PITPNC1: variants seen among roughly 807,000 people sequenced by gnomAD.
PITPNC1 encodes the protein phosphatidylinositol transfer protein cytoplasmic 1.
PITPNC1 carries 18 observed loss-of-function variants against 44.7 expected under a neutral mutation model. The ratio of observed to expected loss-of-function variants is 0.40; its 90% CI spans 0.28 to 0.60. PITPNC1 has a LOEUF of 0.60. PITPNC1 is among the 20% of genes least tolerant of loss of function. The pLI is 0.39. For missense variants in PITPNC1, 290 were observed against 418.4 expected, an observed-to-expected ratio of 0.69 and a Z score of 2.68; for synonymous variants, 141 against 149.6, an observed-to-expected ratio of 0.94 and a Z score of 0.42.
intron 6 of PITPNC1, among the ~76,000 whole-genome samples, chr17:67,636,089 G>A (rs1236647028): frequency 1.3e-5 from 2 of 152,108 alleles, no homozygotes; most frequent in Non-Finnish European, 1.5e-5. Flanking sequence ...ACAAGGTCAG[G>A]AGTTCAAGAC....
chr17:67,670,104 A>T (rs537105877), intron 7 of PITPNC1, among the ~76,000 whole-genome samples: 41 of 152,272 alleles, frequency 2.7e-4, no homozygotes, highest in Non-Finnish European at 5.0e-4. Flanking sequence ...AAAAAATAAA[A>T]AAATAAAAAA....
chr17:67,633,139 A>G (rs527701848), intron 6 of PITPNC1, among the ~76,000 whole-genome samples: 1 of 152,218 alleles, frequency 6.6e-6, no homozygotes, highest in African/African-American at 2.4e-5. Context: ...CCCACTTGTA[A>G]ATAACATCCC....
In PITPNC1 at chr17:67,459,119, T is replaced by C. The variant is rs191229521; in HGVS notation, c.49-73683T>C. Among the ~76,000 whole-genome samples the C allele has an allele frequency of 6.6e-3, 942 of 143,812 alleles. 5 individuals carry two copies. The highest frequency in any genetic ancestry group is 0.021 in the African/African-American group (813 of 38,382). The allele number at this position is 143,812 out of a possible 152,430, so 94.3% of individuals were successfully genotyped here. On this transcript the variant is annotated intron_variant, in intron 1 of 8. Coordinates refer to ENST00000581322, the MANE Select transcript of PITPNC1 (RefSeq NM_012417.4). The stretch of plus-strand genomic sequence containing the variant: ...GGCTTTTTTTTTTCTTTTTCTTTTT[T>C]TTTTTTTTTTTTTTTGAGACTGAGT...
intron 1 of PITPNC1, among the ~76,000 whole-genome samples, chr17:67,414,439 AC>A (rs759035757): frequency 9.3e-5 from 14 of 149,806 alleles, no homozygotes; most frequent in Admixed American, 6.0e-4. Flanking sequence ...AAAAAGCCCC[AC>A]CCCCCCATAT....
chr17:67,437,806 G>T (rs1339977226), intron 1 of PITPNC1, among the ~76,000 whole-genome samples: 1 of 152,172 alleles, frequency 6.6e-6, no homozygotes, highest in Non-Finnish European at 1.5e-5. Flanking sequence ...GGAGGCTCGG[G>T]CCTGTAATCC....
At chr17:67,406,409 C>T (rs987607152) in intron 1 of PITPNC1, among the ~76,000 whole-genome samples, 8 of 152,160 alleles carry the variant, frequency 5.3e-5, no homozygotes, top group Non-Finnish European at 1.2e-4. Flanking sequence ...CTAATCTATA[C>T]TTTCTGTCCT....
At chr17:67,385,880 C>T (rs1399755781) in intron 1 of PITPNC1, among the ~76,000 whole-genome samples, 5 of 152,138 alleles carry the variant, frequency 3.3e-5, no homozygotes, top group Admixed American at 6.6e-5. Flanking sequence ...TGACTCTGTC[C>T]ATGAAGGAAG....
chr17:67,488,026 G>A (rs148512577), intron 1 of PITPNC1, among the ~76,000 whole-genome samples: 23 of 152,318 alleles, frequency 1.5e-4, no homozygotes, highest in Non-Finnish European at 2.8e-4. Context: ...TTGGATTACC[G>A]AGCAGCTCAA....
intron 1 of PITPNC1, among the ~76,000 whole-genome samples, chr17:67,489,245 G>A (rs1416988478): frequency 6.6e-6 from 1 of 152,172 alleles, no homozygotes; most frequent in Non-Finnish European, 1.5e-5. Context: ...TTGCCTCCAG[G>A]TACAGCCCAT....
At chr17:67,486,336 A>G (rs1321996470) in intron 1 of PITPNC1, among the ~76,000 whole-genome samples, 1 of 152,206 alleles carries the variant, frequency 6.6e-6, no homozygotes. Flanking sequence ...GGGCAAAGGA[A>G]GGAATAGGCT....
chr17:67,452,900 G>C (rs2039203319), intron 1 of PITPNC1, among the ~76,000 whole-genome samples: 1 of 152,178 alleles, frequency 6.6e-6, no homozygotes, highest in Non-Finnish European at 1.5e-5. Context: ...TTTTGGGTTT[G>C]CCACATCCTT....
At chr17:67,510,068 C>T (rs2040162774) in intron 1 of PITPNC1, among the ~76,000 whole-genome samples, 1 of 152,312 alleles carries the variant, frequency 6.6e-6, no homozygotes, top group Non-Finnish European at 1.5e-5. Flanking sequence ...GGGAGGCTTC[C>T]AGTCAGTATC....
At chr17:67,466,137 A>C (rs1434060346) in intron 1 of PITPNC1, among the ~76,000 whole-genome samples, 1 of 140,552 alleles carries the variant, frequency 7.1e-6, no homozygotes, top group Non-Finnish European at 1.5e-5. Flanking sequence ...AGTAGCTGGG[A>C]CTACAGGCAC....
chr17:67,589,083 G>A (rs2041357576), intron 5 of PITPNC1, among the ~76,000 whole-genome samples: 2 of 152,200 alleles, frequency 1.3e-5, no homozygotes, highest in Non-Finnish European at 2.9e-5. Context: ...GGTCTGTGAA[G>A]TGGAAAGTCA....
intron 5 of PITPNC1, among the ~76,000 whole-genome samples, chr17:67,596,375 AG>A (rs1306060783): frequency 1.3e-5 from 2 of 152,144 alleles, no homozygotes; most frequent in Non-Finnish European, 2.9e-5. Flanking sequence ...AGTTTAAGAT[AG>A]AAAAAAAAGT....
intron 1 of PITPNC1, among the ~76,000 whole-genome samples, chr17:67,510,897 C>T (rs1049287021): frequency 2.0e-5 from 3 of 152,090 alleles, no homozygotes; most frequent in African/African-American, 7.2e-5. Flanking sequence ...ATTAGGCCCC[C>T]TTTTCCATGC....
intron 1 of PITPNC1, among the ~76,000 whole-genome samples, chr17:67,506,388 T>C (rs2040101193): frequency 6.6e-6 from 1 of 152,216 alleles, no homozygotes; most frequent in African/African-American, 2.4e-5. Flanking sequence ...TTCAAATCAC[T>C]GCCCTAATCA....
chr17:67,686,965 A>G (rs1472758439), intron 8 of PITPNC1: 2 of 694,722 alleles, frequency 2.9e-6, no homozygotes, highest in African/African-American at 3.5e-5. Context: ...TGCTTTTTTA[A>G]ACCTCCTTGG....
intron 1 of PITPNC1, among the ~76,000 whole-genome samples, chr17:67,411,226 A>G (rs2038491792): frequency 6.6e-6 from 1 of 152,126 alleles, no homozygotes; most frequent in Admixed American, 6.6e-5. Context: ...CACCTGCCCT[A>G]TTTCATGATC....
Sources: gnomAD v4.1 joint callset for allele counts (sites outside exome capture counted in the v4.1 genomes callset) on GRCh38, gnomAD v4.1.1 for gene constraint, MANE v1.5 for transcripts, NCBI Gene and HGNC (gene_info 2026-07-23, HGNC 2026-07-21) for gene names.